Variants in GABRB3 observed in about 807,000 individuals in gnomAD.
GABRB3 encodes the protein gamma-aminobutyric acid receptor subunit beta-3.
GABRB3 carries 14 observed loss-of-function variants against 52.1 expected under a neutral mutation model. That is an observed-to-expected ratio of 0.27 (90% CI 0.18 to 0.42). The LOEUF is 0.42. GABRB3 is among the 10% of genes least tolerant of loss of function. The probability of loss-of-function intolerance (pLI) is 1.00; values close to 1 mark genes in which losing one functional copy is unlikely to be tolerated. For missense variants in GABRB3, 307 were observed against 609.1 expected (o/e 0.50, Z 5.22); for synonymous variants, 260 against 232.3 (o/e 1.12, Z -1.08).
At position 26,669,604 on chromosome 15, in the gene GABRB3, GTCTCTCTC is replaced by G. The variant is rs141362402; in HGVS notation, c.241-48078_241-48071del. ...ACAGCCTCTTTCCAAGACTCACTCT[GTCTCTCTC>G]TCTCTCTCTCTCCCCACCCCTCTCC... On this transcript the variant is annotated intron_variant, in intron 3 of 8. Coordinates refer to ENST00000311550, the MANE Select transcript of GABRB3 (RefSeq NM_000814.6). Among the ~76,000 whole-genome samples the G allele has an allele frequency of 7.4e-5, 11 of 148,772 alleles. No homozygotes were observed. In the South Asian group the frequency reaches 2.1e-3, roughly 29 times the overall value.
chr15:26,689,870 A>G (rs577400040), intron 3 of GABRB3, among the ~76,000 whole-genome samples: 1 of 152,268 alleles, frequency 6.6e-6, no homozygotes, highest in African/African-American at 2.4e-5. Flanking sequence ...GGGAGGGACG[A>G]TAACGAGGCG....
intron 3 of GABRB3, among the ~76,000 whole-genome samples, chr15:26,709,484 G>C (rs1595543299): frequency 6.6e-6 from 1 of 150,590 alleles, no homozygotes; most frequent in Non-Finnish European, 1.5e-5. Context: ...AGAACCATGA[G>C]CCACGTAAAC....
chr15:26,632,692 G>A (rs2095691508), intron 3 of GABRB3, among the ~76,000 whole-genome samples: 1 of 152,150 alleles, frequency 6.6e-6, no homozygotes, highest in African/African-American at 2.4e-5. Flanking sequence ...TGAGTGTGCT[G>A]GAGCAAAATG....
At chr15:26,652,696 G>C (rs1016690649) in intron 3 of GABRB3, among the ~76,000 whole-genome samples, 1 of 152,088 alleles carries the variant, frequency 6.6e-6, no homozygotes, top group Non-Finnish European at 1.5e-5. Context: ...CCAATTTATG[G>C]CTTCAAAAAC....
intron 7 of GABRB3, among the ~76,000 whole-genome samples, chr15:26,562,675 C>T (rs997517869): frequency 3.3e-5 from 5 of 152,182 alleles, no homozygotes; most frequent in African/African-American, 1.2e-4. Context: ...TCCTCATCCT[C>T]TGTGTCCCAC....
intron 3 of GABRB3, among the ~76,000 whole-genome samples, chr15:26,693,271 T>G (rs933970719): frequency 2.4e-4 from 36 of 152,356 alleles, no homozygotes; most frequent in African/African-American, 8.4e-4. Context: ...ATTATTGAGT[T>G]GCCTGAATTC....
chr15:26,636,995 T>A (rs1032784017), intron 3 of GABRB3, among the ~76,000 whole-genome samples: 16 of 152,188 alleles, frequency 1.1e-4, no homozygotes, highest in African/African-American at 3.4e-4. Flanking sequence ...TTGTTCCCAT[T>A]GGAGCAACCA....
chr15:26,603,388 C>T (rs1370886340), intron 4 of GABRB3, among the ~76,000 whole-genome samples: 2 of 151,962 alleles, frequency 1.3e-5, no homozygotes, highest in Admixed American at 6.6e-5. Flanking sequence ...GAAGGAAATA[C>T]TTCCAAACTC....
In GABRB3 at chr15:26,579,552, G is replaced by A. The variant is rs187923087; in HGVS notation, c.682+767C>T. Among the ~76,000 whole-genome samples, 401 of 152,320 alleles carry A rather than the reference G, an allele frequency of 2.6e-3. 1 individual carries two copies. Among genetic ancestry groups the A allele is most frequent in the Non-Finnish European group, 3.5e-3 (235 of 68,026 alleles). ...TATGCACTCTTTGTTCAAGCTACAT[G>A]AACAGCTCTGCCTTCTCTTAGCATT... On this transcript the variant is annotated intron_variant, in intron 6 of 8. Coordinates refer to ENST00000311550, the MANE Select transcript of GABRB3 (RefSeq NM_000814.6).
Position 26,597,445 on chromosome 15 carries a change from T to C in GABRB3, c.462-14031A>G, listed in dbSNP as rs186782003. Among the ~76,000 whole-genome samples the C allele has an allele frequency of 2.0e-3, 298 of 150,720 alleles. 6 individuals are homozygous for C. The East Asian group carries it at 0.037, about 18-fold the overall frequency. On this transcript the variant is annotated intron_variant, in intron 4 of 8. Transcript: ENST00000311550. Reference sequence around the variant, plus strand: ...CCTACTTTACACCTGAGAAAAGTGTTGTTAAGGTGACAAGATAGAGGAGAC... The same window carrying C: ...CCTACTTTACACCTGAGAAAAGTGTCGTTAAGGTGACAAGATAGAGGAGAC...
chr15:26,703,577 C>T (rs976618551), intron 3 of GABRB3, among the ~76,000 whole-genome samples: 10 of 152,326 alleles, frequency 6.6e-5, no homozygotes, highest in African/African-American at 2.4e-4. Flanking sequence ...TCCAAAATCT[C>T]ATCCAAACAT....
chr15:26,765,886 C>T lies in GABRB3; in HGVS notation c.240+6516G>A, dbSNP rs369071613. Among the ~76,000 whole-genome samples, 132 of 152,272 alleles carry T rather than the reference C, an allele frequency of 8.7e-4. 2 individuals carry two copies. The South Asian group carries it at 0.026, about 30-fold the overall frequency. On this transcript the variant is annotated intron_variant, in intron 3 of 8. Transcript: ENST00000311550. ...CCCTTAATGGAGCATCTTTTGTTGT[C>T]CTGTAGCTTGATGAGGTAGAAAGAT... is the stretch of plus-strand genomic sequence containing the variant.
chr15:26,715,487 C>A (rs1287728869), intron 3 of GABRB3, among the ~76,000 whole-genome samples: 2 of 151,974 alleles, frequency 1.3e-5, no homozygotes, highest in Admixed American at 6.6e-5. Context: ...AAGACTTGCA[C>A]AAAAATGCCA....
intron 3 of GABRB3, among the ~76,000 whole-genome samples, chr15:26,735,821 G>C (rs992988627): frequency 6.6e-6 from 1 of 152,006 alleles, no homozygotes; most frequent in Admixed American, 6.6e-5. Context: ...GGGGGATGGT[G>C]GCACATGACT....
chr15:26,625,017 T>C, intron 3 of GABRB3: 2 of 965,054 alleles, frequency 2.1e-6, no homozygotes, highest in Non-Finnish European at 2.5e-6. Context: ...TATTATCCTA[T>C]ATCGATGAAG....
At chr15:26,664,184 A>C (rs879572624) in intron 3 of GABRB3, among the ~76,000 whole-genome samples, 9 of 152,204 alleles carry the variant, frequency 5.9e-5, no homozygotes, top group Admixed American at 5.2e-4. Context: ...CTGGGACTAC[A>C]GGCATGTGCC....
chr15:26,618,500 T>C (rs1256745618), intron 4 of GABRB3, among the ~76,000 whole-genome samples: 2 of 152,098 alleles, frequency 1.3e-5, no homozygotes, highest in African/African-American at 4.8e-5. Flanking sequence ...CCTTACACCT[T>C]ATACAAAAAT....
At chr15:26,618,354 T>C (rs1892344426) in intron 4 of GABRB3, among the ~76,000 whole-genome samples, 2 of 151,612 alleles carry the variant, frequency 1.3e-5, no homozygotes, top group South Asian at 2.1e-4. Flanking sequence ...CCCTCAGAAA[T>C]AACGCCACAT....
intron 7 of GABRB3, among the ~76,000 whole-genome samples, chr15:26,563,568 C>T (rs954952560): frequency 5.3e-5 from 8 of 152,220 alleles, no homozygotes; most frequent in Non-Finnish European, 1.0e-4. Flanking sequence ...GCCATCATTT[C>T]GAGCTGTTGG....
Sources: gnomAD v4.1 joint callset for allele counts (sites outside exome capture counted in the v4.1 genomes callset) on GRCh38, gnomAD v4.1.1 for gene constraint, MANE v1.5 for transcripts, NCBI Gene and HGNC (gene_info 2026-07-23, HGNC 2026-07-21) for gene names.